The following UMPS variants were observed in gnomAD, a reference collection of about 807,000 sequenced individuals.
UMPS encodes uridine monophosphate synthetase.
In UMPS, 21 loss-of-function variants were observed where a neutral mutation model predicts 38.9. The ratio of observed to expected loss-of-function variants is 0.54; its 90% CI spans 0.38 to 0.78. UMPS has a LOEUF of 0.78. UMPS is among the 30% of genes least tolerant of loss of function. UMPS has a pLI of 0.00. For missense variants in UMPS, 533 were observed against 591.6 expected (o/e 0.90, Z 1.03); for synonymous variants, 208 against 219.3 (o/e 0.95, Z 0.45).
intron 1 of UMPS, 60 bp downstream of exon 1, chr3:124,730,687 G>A: frequency 6.3e-7 from 1 of 1,583,244 alleles, no homozygotes; most frequent in African/African-American, 1.3e-5. Flanking sequence ...CAAGGAAATG[G>A]AAGAGGGTGA....
intron 1 of UMPS, among the ~76,000 whole-genome samples, chr3:124,734,817 G>A (rs565376065): frequency 3.7e-4 from 56 of 152,188 alleles, no homozygotes; most frequent in Admixed American, 8.5e-4. Flanking sequence ...CCAAGAGTTT[G>A]AGGCCAGCCT....
intron 1 of UMPS, among the ~76,000 whole-genome samples, chr3:124,732,967 G>GGTGTGTGTGTGTGTGTGTGTGTGTGT (rs61383415): frequency 6.8e-6 from 1 of 147,624 alleles, no homozygotes; most frequent in African/African-American, 2.5e-5. Flanking sequence ...ACTAGATCAT[G>GGTGTGTGTGTGTGTGTGTGTGTGTGT]GTGTGTGTGT....
In UMPS at chr3:124,745,320, GT is replaced by G. The variant is rs1308046882; in HGVS notation, c.*1237del. The G allele has an allele frequency of 8.2e-5, 37 of 453,600 alleles. No individual in the cohort carries two copies. The Middle Eastern group carries it at 2.0e-3, about 25-fold the overall frequency. The allele number at this position is 453,600 out of a possible 1,614,324, so 28.1% of individuals were successfully genotyped here. A position where few individuals can be genotyped will look rare whatever the true frequency, so the allele number is the denominator to read the frequency against. The stretch of plus-strand genomic sequence containing the variant: ...CAGGATCAGCCATTTCCCCACCCTT[GT>G]CAGCTGATGGCCCACTGTTCTTTAA... On this transcript the variant is annotated 3_prime_UTR_variant, in exon 6 of 6. Coordinates refer to ENST00000232607, the MANE Select transcript of UMPS (RefSeq NM_000373.4).
chr3:124,743,564 G>A (rs1169728780), intron 5 of UMPS, among the ~76,000 whole-genome samples: 2 of 151,926 alleles, frequency 1.3e-5, no homozygotes, highest in African/African-American at 4.8e-5. Context: ...CATGAACCTG[G>A]GAGGCAGAGC....
At chr3:124,736,609 T>G (rs1392916543) in intron 2 of UMPS, among the ~76,000 whole-genome samples, 1 of 152,104 alleles carries the variant, frequency 6.6e-6, no homozygotes, top group African/African-American at 2.4e-5. Context: ...AGCTGAGACT[T>G]TCTGAGCTAA....
intron 2 of UMPS, chr3:124,737,278 T>A (rs1190594774): frequency 6.1e-6 from 2 of 328,400 alleles, no homozygotes; most frequent in East Asian, 7.4e-5. Flanking sequence ...AAAAAACCTC[T>A]CTATTTGAAA....
At chr3:124,738,562 CCTT>C (rs775223739) in intron 3 of UMPS, 73 of 294,002 alleles carry the variant, frequency 2.5e-4, no homozygotes, top group Non-Finnish European at 4.2e-4. Context: ...CTCTGTATGA[CCTT>C]CTTGAAATAA....
At chr3:124,733,355 A>G (rs901698409) in intron 1 of UMPS, 2 of 152,486 alleles carry the variant, frequency 1.3e-5, no homozygotes, top group African/African-American at 2.4e-5. Context: ...TTTAAAAAGT[A>G]CAATTTCCAT....
intron 4 of UMPS, 106 bp downstream of exon 4, chr3:124,740,305 A>C: frequency 3.3e-6 from 4 of 1,201,028 alleles, no homozygotes; most frequent in Non-Finnish European, 4.7e-6. Flanking sequence ...CCAAAAAAAA[A>C]ATCCAGCTCT....
Position 124,746,065 on chromosome 3 carries a change from C to G in UMPS, c.*1981C>G, listed in dbSNP as rs1435442567. The G allele has an allele frequency of 1.3e-5, 6 of 454,156 alleles. No homozygotes were observed. The highest frequency in any genetic ancestry group is 1.2e-4 in the African/African-American group (6 of 50,140). 28.1% of individuals were successfully genotyped at this position (454,156 alleles called of 1,614,324 possible). ...TGAGAACCACTTCACTGGTTATTCA[C>G]ATTTCTGCCTCTGCAGTGAGACAGC... On this transcript the variant is annotated 3_prime_UTR_variant, in exon 6 of 6. Transcript: ENST00000232607.
rs1191929771 is a variant in UMPS, at chr3:124,746,139, A to T, written c.*2055A>T. The T allele has an allele frequency of 1.3e-5, 6 of 453,852 alleles. No homozygotes were observed. The highest frequency in any genetic ancestry group is 2.2e-5 in the Non-Finnish European group (5 of 226,680). 28.1% of individuals were successfully genotyped at this position (453,852 alleles called of 1,614,324 possible). ...AGTCACATGCTCCTGTCCTTTAGAA[A>T]TGTGGGCTCCTGCCATCTCCAGGAC... On this transcript the variant is annotated 3_prime_UTR_variant, in exon 6 of 6. Transcript: ENST00000232607.
chr3:124,738,580 C>G (rs2063534351), intron 3 of UMPS: 1 of 262,684 alleles, frequency 3.8e-6, no homozygotes, highest in African/African-American at 2.2e-5. Flanking sequence ...AAATAAGAAC[C>G]AGTCAGGGAT....
In UMPS at chr3:124,745,892, T is replaced by G. The variant is rs1234269314; in HGVS notation, c.*1808T>G. 1.3e-5 allele frequency: 6 copies of G among 454,112 alleles called. No homozygotes were observed. The Admixed American group carries it at 1.4e-4, about 11-fold the overall frequency. 28.1% of individuals were successfully genotyped at this position (454,112 alleles called of 1,614,324 possible). ...AGTGGTTCTCCCACTTTAGCAGGTA[T>G]CAGAGTCACCTGGAGTCTTGTCAAA... On this transcript the variant is annotated 3_prime_UTR_variant, in exon 6 of 6. Coordinates refer to ENST00000232607, the MANE Select transcript of UMPS (RefSeq NM_000373.4).
At chr3:124,739,652 T>C (rs1413928089) in intron 3 of UMPS, among the ~76,000 whole-genome samples, 2 of 152,192 alleles carry the variant, frequency 1.3e-5, no homozygotes, top group African/African-American at 4.8e-5. Flanking sequence ...AATTTTTAAA[T>C]GTTATCCTTG....
Position 124,744,568 on chromosome 3 carries a change from C to T in UMPS, c.*484C>T, listed in dbSNP as rs2063582617. On this transcript the variant is annotated 3_prime_UTR_variant, in exon 6 of 6. Coordinates refer to ENST00000232607, the MANE Select transcript of UMPS (RefSeq NM_000373.4). Reference sequence around the variant, plus strand: ...GTGCTATAGGCATGCACCACCACGTCCATCTAAATTTCTTTATTATTTGTA... The same window carrying T: ...GTGCTATAGGCATGCACCACCACGTTCATCTAAATTTCTTTATTATTTGTA... The T allele has an allele frequency of 2.2e-6, 1 of 453,852 alleles. No individual in the cohort carries two copies. Among genetic ancestry groups the T allele is most frequent in the Admixed American group, 2.4e-5 (1 of 42,542 alleles). The allele number at this position is 453,852 out of a possible 1,614,324, so 28.1% of individuals were successfully genotyped here. A position where few individuals can be genotyped will look rare whatever the true frequency, so the allele number is the denominator to read the frequency against.
At chr3:124,738,362 C>T (rs2063532711) in intron 3 of UMPS, 123 bp downstream of exon 3, 2 of 1,010,596 alleles carry the variant, frequency 2.0e-6, no homozygotes, top group African/African-American at 3.2e-5. Context: ...TGGTTGGATC[C>T]AGGAGCTCAA....
chr3:124,734,175 T>G (rs17843797), intron 1 of UMPS, among the ~76,000 whole-genome samples: 15,702 of 152,196 alleles, frequency 0.1, 920 homozygotes, highest in South Asian at 0.18. Context: ...TCATAGTTTT[T>G]TTTTGTTTGT....
Position 124,749,067 on chromosome 3 carries a change from C to A in UMPS, c.*4983C>A. 1 of 454,086 alleles carries A rather than the reference C, an allele frequency of 2.2e-6. No individual in the cohort carries two copies. Among genetic ancestry groups the A allele is most frequent in the South Asian group, 1.6e-5 (1 of 64,480 alleles). 28.1% of individuals were successfully genotyped at this position (454,086 alleles called of 1,614,324 possible). ...CACTGCATTGTCTCCCTGCACTTAG[C>A]AGCCCTGCAGGGTGAGACTTGGGGA... On this transcript the variant is annotated 3_prime_UTR_variant, in exon 6 of 6. Coordinates refer to ENST00000232607, the MANE Select transcript of UMPS (RefSeq NM_000373.4).
Position 124,744,437 on chromosome 3 carries a change from C to T in UMPS, c.*353C>T, listed in dbSNP as rs1478207249. 7 of 455,240 alleles carry T rather than the reference C, an allele frequency of 1.5e-5. No homozygotes were observed. The highest frequency in any genetic ancestry group is 6.9e-5 in the East Asian group (1 of 14,482). The allele number at this position is 455,240 out of a possible 1,614,324, so 28.2% of individuals were successfully genotyped here. On this transcript the variant is annotated 3_prime_UTR_variant, in exon 6 of 6. Transcript: ENST00000232607. ...ATTTATTTTTTAATTTTTTTCGAGA[C>T]AGGATCTCACTCTGTTGCCCAGGAT...
Sources: allele counts gnomAD v4.1 joint callset (sites outside exome capture counted in the v4.1 genomes callset), GRCh38; gene constraint gnomAD v4.1.1; transcripts MANE v1.5; gene names NCBI Gene and HGNC (gene_info 2026-07-23, HGNC 2026-07-21).